The following HS2ST1 variants were observed in gnomAD, a reference collection of about 807,000 sequenced individuals.
The protein encoded by HS2ST1 is heparan sulfate 2-O-sulfotransferase 1, also known as 2-O-sulfotransferase.
A neutral mutation model predicts 42.9 loss-of-function variants in HS2ST1; 18 were observed. The observed-to-expected ratio is 0.42, with a 90% CI of 0.29 to 0.62. The LOEUF (loss-of-function observed/expected upper bound fraction) is 0.62, where lower values mean the gene tolerates loss of function less well. Among genes scored for constraint, HS2ST1 ranks in the 20% least tolerant of loss-of-function variants. The probability of loss-of-function intolerance (pLI) is 0.21; values close to 1 mark genes in which losing one functional copy is unlikely to be tolerated. For missense variants in HS2ST1, 334 were observed against 433.8 expected (o/e 0.77, Z 2.04); for synonymous variants, 146 against 152.9 (o/e 0.95, Z 0.33).
intron 1 of HS2ST1, among the ~76,000 whole-genome samples, chr1:86,952,113 A>G (rs994780621): frequency 9.9e-5 from 15 of 152,232 alleles, no homozygotes; most frequent in African/African-American, 3.6e-4. Context: ...TCCTTCCATG[A>G]ATCATGAATG....
chr1:87,088,168 C>G (rs1035328148), intron 3 of HS2ST1, among the ~76,000 whole-genome samples: 3 of 152,020 alleles, frequency 2.0e-5, no homozygotes, highest in African/African-American at 7.2e-5. Flanking sequence ...CTCTGCTGGT[C>G]CTTATTTCCA....
chr1:86,996,318 G>A (rs755085636), intron 1 of HS2ST1, among the ~76,000 whole-genome samples: 4 of 151,722 alleles, frequency 2.6e-5, no homozygotes, highest in South Asian at 2.1e-4. Flanking sequence ...GGCACATCCC[G>A]GTAATCCCAG....
At chr1:86,942,923 T>C (rs1358917168) in intron 1 of HS2ST1, among the ~76,000 whole-genome samples, 2 of 152,142 alleles carry the variant, frequency 1.3e-5, no homozygotes, top group Non-Finnish European at 2.9e-5. Context: ...ATCCTTGATT[T>C]TTTTTCCCCC....
At chr1:87,102,585 C>T (rs1232607523) in intron 5 of HS2ST1, among the ~76,000 whole-genome samples, 3 of 152,150 alleles carry the variant, frequency 2.0e-5, no homozygotes, top group Non-Finnish European at 4.4e-5. Flanking sequence ...AAATATTTAT[C>T]CTCTGGCCTT....
At chr1:87,058,279 A>G (rs185087130) in intron 1 of HS2ST1, among the ~76,000 whole-genome samples, 1 of 151,592 alleles carries the variant, frequency 6.6e-6, no homozygotes, top group Non-Finnish European at 1.5e-5. Context: ...TTTACTTTGC[A>G]CTACTAATTA....
At chr1:86,975,765 A>G (rs764749394) in intron 1 of HS2ST1, among the ~76,000 whole-genome samples, 15 of 152,186 alleles carry the variant, frequency 9.9e-5, no homozygotes, top group Non-Finnish European at 1.9e-4. Context: ...AAATCTTTAT[A>G]TGTATTTAAA....
intron 1 of HS2ST1, among the ~76,000 whole-genome samples, chr1:86,919,092 G>C (rs536245520): frequency 6.6e-6 from 1 of 151,618 alleles, no homozygotes; most frequent in Non-Finnish European, 1.5e-5. Flanking sequence ...TTGCAGGTAC[G>C]TGCCACCACG....
intron 1 of HS2ST1, among the ~76,000 whole-genome samples, chr1:86,973,993 A>C (rs1310668824): frequency 6.6e-6 from 1 of 152,182 alleles, no homozygotes; most frequent in Non-Finnish European, 1.5e-5. Context: ...GACACAGAGA[A>C]CATGAAAGCC....
chr1:87,031,244 T>C (rs1194091173), intron 1 of HS2ST1, among the ~76,000 whole-genome samples: 1 of 152,108 alleles, frequency 6.6e-6, no homozygotes, highest in Non-Finnish European at 1.5e-5. Flanking sequence ...CCTGGCTAAG[T>C]CTCAGTGTTC....
chr1:86,967,793 C>A (rs995345742), intron 1 of HS2ST1, among the ~76,000 whole-genome samples: 1 of 152,176 alleles, frequency 6.6e-6, no homozygotes, highest in African/African-American at 2.4e-5. Context: ...ATAATGACTT[C>A]TTTTCCTTTA....
chr1:86,964,356 C>G (rs1021361762), intron 1 of HS2ST1, among the ~76,000 whole-genome samples: 15 of 152,258 alleles, frequency 9.9e-5, no homozygotes, highest in Non-Finnish European at 1.6e-4. Context: ...ACATTGAGCA[C>G]TGAATGAACG....
At chr1:86,998,680 C>T (rs554657845) in intron 1 of HS2ST1, among the ~76,000 whole-genome samples, 1 of 152,162 alleles carries the variant, frequency 6.6e-6, no homozygotes, top group African/African-American at 2.4e-5. Flanking sequence ...TTCTGAAGTA[C>T]CTTTAAATCA....
chr1:87,011,547 C>A (rs114975746), intron 1 of HS2ST1, among the ~76,000 whole-genome samples: 1 of 152,148 alleles, frequency 6.6e-6, no homozygotes, highest in African/African-American at 2.4e-5. Flanking sequence ...CCAGCTGTTC[C>A]CCAGTATTCT....
rs375380412 is a variant in HS2ST1 at position 86,914,999 on chromosome 1, C to T, written c.-38C>T. 9.6e-5 allele frequency: 154 copies of T among 1,612,024 alleles called. No homozygotes were observed. The African/African-American group carries it at 1.7e-3, about 18-fold the overall frequency. On this transcript the variant is annotated 5_prime_UTR_variant, in exon 1 of 7. Coordinates refer to ENST00000370550, the MANE Select transcript of HS2ST1 (RefSeq NM_012262.4). Reference sequence around the variant, plus strand: ...CTCGCCTCCGGGGTCCCGCTCCCCGCCCCCCGCGGTATGTCTTGATCCCGA... The same window carrying T: ...CTCGCCTCCGGGGTCCCGCTCCCCGTCCCCCGCGGTATGTCTTGATCCCGA...
At chr1:86,977,574 G>A (rs1470930080) in intron 1 of HS2ST1, among the ~76,000 whole-genome samples, 1 of 152,182 alleles carries the variant, frequency 6.6e-6, no homozygotes, top group Non-Finnish European at 1.5e-5. Context: ...TGAGCATATG[G>A]AAGACCATCT....
intron 1 of HS2ST1, among the ~76,000 whole-genome samples, chr1:87,012,999 C>T (rs372743391): frequency 7.9e-5 from 12 of 152,328 alleles, no homozygotes; most frequent in East Asian, 3.9e-4. Flanking sequence ...TCTGTGGCTT[C>T]GCAGGGTACA....
chr1:87,075,324 G>A (rs1329278209), intron 2 of HS2ST1, among the ~76,000 whole-genome samples: 7 of 151,494 alleles, frequency 4.6e-5, no homozygotes, highest in Admixed American at 6.6e-5. Flanking sequence ...GCGCCACCAC[G>A]CCCAGCTAAT....
At chr1:87,040,279 C>A (rs1445470958) in intron 1 of HS2ST1, among the ~76,000 whole-genome samples, 4 of 152,116 alleles carry the variant, frequency 2.6e-5, no homozygotes, top group South Asian at 2.1e-4. Context: ...CTCCCCCTCC[C>A]CGCTCCCTGA....
chr1:87,084,301 C>A, intron 3 of HS2ST1, 22 bp downstream of exon 3: 2 of 1,343,750 alleles, frequency 1.5e-6, no homozygotes, highest in South Asian at 1.2e-5. Flanking sequence ...TGAAATGACA[C>A]GCTAAAGAAT....
Sources: gnomAD v4.1 joint callset for allele counts (sites outside exome capture counted in the v4.1 genomes callset) on GRCh38, gnomAD v4.1.1 for gene constraint, MANE v1.5 for transcripts, NCBI Gene and HGNC (gene_info 2026-07-23, HGNC 2026-07-21) for gene names.